Variants in COL26A1 observed in about 807,000 individuals in gnomAD.
COL26A1 encodes collagen type XXVI alpha 1 chain, also known as collagen alpha-1(XXVI) chain.
In COL26A1, 41 loss-of-function variants were observed where a neutral mutation model predicts 59.3. The ratio of observed to expected loss-of-function variants is 0.69; its 90% CI spans 0.54 to 0.90. The LOEUF (loss-of-function observed/expected upper bound fraction) is 0.90. Among genes scored for constraint, COL26A1 ranks in the 40% least tolerant of loss-of-function variants. The pLI, the probability that COL26A1 is intolerant of heterozygous loss-of-function variation, is 0.00. For synonymous variants in COL26A1, 266 were observed against 256.0 expected, an observed-to-expected ratio of 1.04 and a Z score of -0.37; for missense variants, 612 against 602.3, an observed-to-expected ratio of 1.02 and a Z score of -0.17.
chr7:101,383,444 G>A (rs10250975), intron 1 of COL26A1, among the ~76,000 whole-genome samples: 9,340 of 152,016 alleles, frequency 0.061, 661 homozygotes, highest in African/African-American at 0.16. Flanking sequence ...TCAGCTCACC[G>A]CAACCTCCAC....
At chr7:101,382,713 A>G (rs1791476027) in intron 1 of COL26A1, among the ~76,000 whole-genome samples, 1 of 151,814 alleles carries the variant, frequency 6.6e-6, no homozygotes, top group Non-Finnish European at 1.5e-5. Context: ...TGCTGTTGGG[A>G]TTTTGATCAG....
intron 2 of COL26A1, among the ~76,000 whole-genome samples, chr7:101,432,221 C>T (rs1792799560): frequency 6.6e-6 from 1 of 152,102 alleles, no homozygotes; most frequent in Non-Finnish European, 1.5e-5. Context: ...TTCAGCTTCC[C>T]AAAGTGCTGG....
chr7:101,551,135 G>A lies in COL26A1; in HGVS notation c.1021G>A (p.Gly341Arg). The change falls in exon 10 of 13, where the codon GGG becomes AGG. Residue 341 changes from glycine to arginine, a missense_variant. By Grantham distance (125) the Gly-to-Arg change is moderately radical. Coordinates refer to ENST00000313669, the MANE Select transcript of COL26A1 (RefSeq NM_001278563.3). The stretch of plus-strand genomic sequence containing the variant: ...CCTGGCTGGAGAGCGAGGCACAGTG[G>A]GGCCGTCCGTAAGTGTGGGCTGTGC... ...QGLAGERGTV[G>R]PSGEPGVKGE... The A allele has an allele frequency of 9.6e-6, 15 of 1,560,704 alleles. No individual in the cohort carries two copies. Among genetic ancestry groups the A allele is most frequent in the Non-Finnish European group, 1.3e-5 (15 of 1,152,384 alleles).
intron 4 of COL26A1, among the ~76,000 whole-genome samples, chr7:101,534,148 C>T (rs1795428838): frequency 6.6e-6 from 1 of 152,190 alleles, no homozygotes. Context: ...GGCTGCACTG[C>T]CTGGCCCCCC....
chr7:101,539,141 G>T (rs1433608125), intron 4 of COL26A1, among the ~76,000 whole-genome samples: 1 of 152,152 alleles, frequency 6.6e-6, no homozygotes, highest in African/African-American at 2.4e-5. Flanking sequence ...AGATGGGGCC[G>T]CATTGCAGGC....
chr7:101,392,113 G>T (rs1012776089), intron 1 of COL26A1, among the ~76,000 whole-genome samples: 7 of 152,144 alleles, frequency 4.6e-5, no homozygotes, highest in African/African-American at 1.7e-4. Context: ...AATGGCTAAG[G>T]AAAGAGGTCA....
chr7:101,413,764 G>A (rs572000701), intron 1 of COL26A1, among the ~76,000 whole-genome samples: 2 of 152,256 alleles, frequency 1.3e-5, no homozygotes, highest in East Asian at 3.9e-4. Flanking sequence ...GCTGCCGGGA[G>A]TGTGTTCATT....
chr7:101,486,868 A>G lies in COL26A1; in HGVS notation c.385+39081A>G, dbSNP rs573398763. ...ATGTTCCTTTGGAATCAGACCCTGT[A>G]CGATGAATTCTAAAGCCTTCGGGCA... On this transcript the variant is annotated intron_variant, in intron 3 of 12. Coordinates refer to ENST00000313669, the MANE Select transcript of COL26A1 (RefSeq NM_001278563.3). Among the ~76,000 whole-genome samples the G allele has an allele frequency of 3.9e-5, 6 of 152,350 alleles. No homozygotes were observed. The South Asian group carries it at 1.2e-3, about 32-fold the overall frequency.
At chr7:101,511,003 C>T (rs1267512365) in intron 3 of COL26A1, among the ~76,000 whole-genome samples, 3 of 150,432 alleles carry the variant, frequency 2.0e-5, no homozygotes, top group African/African-American at 7.3e-5. Flanking sequence ...CAGGTTCACG[C>T]GATTCTCCTG....
chr7:101,552,155 C>T (rs1795875888), intron 10 of COL26A1, among the ~76,000 whole-genome samples: 1 of 152,212 alleles, frequency 6.6e-6, no homozygotes, highest in Admixed American at 6.5e-5. Flanking sequence ...AGGTGCCAGG[C>T]TCTAATCTAA....
intron 3 of COL26A1, among the ~76,000 whole-genome samples, chr7:101,529,178 T>C (rs73173917): frequency 0.014 from 2,189 of 152,302 alleles, 22 homozygotes; most frequent in Non-Finnish European, 0.022. Flanking sequence ...AAGAAAATTA[T>C]TTTATGTTAG....
At chr7:101,440,070 A>G (rs550011251) in intron 2 of COL26A1, among the ~76,000 whole-genome samples, 199 of 152,326 alleles carry the variant, frequency 1.3e-3, no homozygotes, top group African/African-American at 4.5e-3. Context: ...TCTGCATTTT[A>G]GAAAGTTTGC....
At chr7:101,382,354 C>G (rs1011636121) in intron 1 of COL26A1, among the ~76,000 whole-genome samples, 2 of 152,160 alleles carry the variant, frequency 1.3e-5, no homozygotes, top group African/African-American at 4.8e-5. Context: ...CTCTGTTTCT[C>G]CATAGGCTGT....
intron 1 of COL26A1, among the ~76,000 whole-genome samples, chr7:101,401,876 AGGATCTGGTGGTGTCGAAGCCAC>A (rs1386896314): frequency 4.6e-5 from 7 of 152,140 alleles, no homozygotes. Flanking sequence ...GGAAAGCTGC[AGGATCTGGTGGTGTCGAAGCCAC>A]GTTTCCTCTC....
intron 2 of COL26A1, among the ~76,000 whole-genome samples, chr7:101,422,810 C>A (rs927128621): frequency 1.3e-5 from 2 of 152,026 alleles, no homozygotes; most frequent in South Asian, 4.1e-4. Flanking sequence ...TCACTAATTA[C>A]TTTTTCTTTG....
chr7:101,479,438 G>C (rs982755727), intron 3 of COL26A1, among the ~76,000 whole-genome samples: 1 of 152,150 alleles, frequency 6.6e-6, no homozygotes, highest in South Asian at 2.1e-4. Flanking sequence ...CTGCATTTTG[G>C]AGATATTACA....
intron 1 of COL26A1, among the ~76,000 whole-genome samples, chr7:101,394,720 G>A (rs1311939099): frequency 6.6e-6 from 1 of 151,046 alleles, no homozygotes; most frequent in Non-Finnish European, 1.5e-5. Flanking sequence ...GCTGCGCCCG[G>A]CCAACCACAC....
At chr7:101,368,789 G>A (rs914641171) in intron 1 of COL26A1, among the ~76,000 whole-genome samples, 6 of 151,986 alleles carry the variant, frequency 3.9e-5, no homozygotes, top group African/African-American at 9.7e-5. Flanking sequence ...GTCAAGTCCC[G>A]CCTCCTACTT....
chr7:101,538,758 G>T (rs1332661378), intron 4 of COL26A1, among the ~76,000 whole-genome samples: 2 of 152,162 alleles, frequency 1.3e-5, no homozygotes, highest in Non-Finnish European at 2.9e-5. Context: ...CCCCTGCTGG[G>T]GAGGAGCCCA....
Sources: gnomAD v4.1 joint callset for allele counts (sites outside exome capture counted in the v4.1 genomes callset) on GRCh38, gnomAD v4.1.1 for gene constraint, MANE v1.5 for transcripts, NCBI Gene and HGNC (gene_info 2026-07-23, HGNC 2026-07-21) for gene names.